The following LRP2 variants were observed in gnomAD, a reference collection of about 807,000 sequenced individuals.
The protein encoded by LRP2 is LDL receptor related protein 2, also known as low-density lipoprotein receptor-related protein 2.
Under a neutral mutation model 531.0 loss-of-function variants are expected in LRP2, and 172 were observed. The ratio of observed to expected loss-of-function variants is 0.32; its 90% confidence interval spans 0.29 to 0.37. The LOEUF is 0.37. Among genes scored for constraint, LRP2 ranks in the 10% least tolerant of loss-of-function variants. LRP2 has a pLI of 1.00. For synonymous variants in LRP2, 1,992 were observed against 2,027.6 expected (o/e 0.98, Z 0.47); for missense variants, 5,167 against 5,868.3 (o/e 0.88, Z 3.90).
At chr2:169,269,140 G>T (rs1441068314) in intron 16 of LRP2, among the ~76,000 whole-genome samples, 1 of 152,198 alleles carries the variant, frequency 6.6e-6, no homozygotes, top group Non-Finnish European at 1.5e-5. Context: ...CATGCTCATG[G>T]ATAGGAAGAA....
intron 1 of LRP2, among the ~76,000 whole-genome samples, chr2:169,341,275 A>G (rs1685554945): frequency 6.6e-6 from 1 of 152,188 alleles, no homozygotes. Context: ...TCTTCAAATT[A>G]CAAAGATCAT....
chr2:169,210,347 T>C (rs1688551231), intron 37 of LRP2, among the ~76,000 whole-genome samples: 1 of 152,190 alleles, frequency 6.6e-6, no homozygotes, highest in Non-Finnish European at 1.5e-5. Flanking sequence ...AGTGTAGCAG[T>C]GACCACCTTA....
In LRP2 at chr2:169,278,030, G is replaced by A. The variant is rs1683601126; in HGVS notation, c.1566-79C>T. 16 of 1,135,072 alleles carry A rather than the reference G, an allele frequency of 1.4e-5. No individual in the cohort carries two copies. The South Asian group carries it at 1.8e-4, about 13-fold the overall frequency. 70.3% of individuals were successfully genotyped at this position (1,135,072 alleles called of 1,614,324 possible). A position where few individuals can be genotyped will look rare whatever the true frequency, so the allele number is the denominator to read the frequency against. On this transcript the variant is annotated intron_variant, in intron 12 of 78. Transcript: ENST00000649046. ...GGAATTTTTTTTAACAGTGTGTTTG[G>A]ATCAATGGAAATTTTATCCAGCTGA...
Position 169,192,022 on chromosome 2 carries a change from A to G in LRP2, c.8842T>C (p.Cys2948Arg). Reference protein sequence around the residue: ...DKRHQCQNQNCSDSEFLCVND... With the variant: ...DKRHQCQNQNRSDSEFLCVND... ...ACACAGAGAAACTCGGAATCCGAGC[A>G]GTTTTGATTCTCTGAAACCAAAGCA... Residue 2948 changes from cysteine (C) to arginine (R), a missense_variant, in exon 48 of 79, where the codon TGC becomes CGC. Around this residue, in one of 6 missense-constraint regions of LRP2, gnomAD observed 1,129 missense variants for 1,362.7 expected, o/e 0.83. Transcript: ENST00000649046. 1 of 1,612,272 alleles carries G rather than the reference A, an allele frequency of 6.2e-7. No homozygotes were observed.
chr2:169,221,765 G>C (rs1235437869), intron 33 of LRP2, among the ~76,000 whole-genome samples: 10 of 151,034 alleles, frequency 6.6e-5, no homozygotes, highest in Admixed American at 6.6e-4. Flanking sequence ...CTATTGTCTG[G>C]TATCTTTCAC....
At position 169,362,444 on chromosome 2, in the gene LRP2, GGC is replaced by G. The variant is rs1463947206; in HGVS notation, c.-47_-46del. 9 of 1,489,356 alleles carry G rather than the reference GGC, an allele frequency of 6.0e-6. No individual in the cohort carries two copies. Among genetic ancestry groups the G allele is most frequent in the Non-Finnish European group, 7.3e-6 (8 of 1,099,316 alleles). The allele number at this position is 1,489,356 out of a possible 1,614,324, so 92.3% of individuals were successfully genotyped here. A position where few individuals can be genotyped will look rare whatever the true frequency, so the allele number is the denominator to read the frequency against. On this transcript the variant is annotated 5_prime_UTR_variant, in exon 1 of 79. Transcript: ENST00000649046. ...CTCGCCGTTCCTTCCCCGGGAGGTGGGCGCGCGTAGCACACCGCACCGGCAGC... is the reference window on the plus strand; with the variant it reads ...CTCGCCGTTCCTTCCCCGGGAGGTGGGCGCGTAGCACACCGCACCGGCAGC...
At position 169,191,924 on chromosome 2, in the gene LRP2, G is replaced by A. The variant is rs139641589; in HGVS notation, c.8940C>T (p.Asp2980=). 1.5e-5 allele frequency: 24 copies of A among 1,614,072 alleles called. No individual in the cohort carries two copies. The highest frequency in any genetic ancestry group is 4.4e-5 in the South Asian group (4 of 91,076). Residue 2980 remains aspartate (D), a synonymous_variant, in exon 48 of 79, where the codon GAC becomes GAT. Transcript: ENST00000649046. ...WVCDGDVDCT[D]GYDENQNCTR... ...TGCAATTCTGATTCTCATCGTAGCC[G>A]TCAGTACAATCCACATCGCCATCAC...
At chr2:169,137,290 C>T (rs1685548046) in intron 76 of LRP2, 102 bp downstream of exon 76, 1 of 900,064 alleles carries the variant, frequency 1.1e-6, no homozygotes, top group South Asian at 1.3e-5. Flanking sequence ...ACTATGCTTC[C>T]TTCCCTTTGG....
At chr2:169,218,484 A>G (rs1688875283) in intron 34 of LRP2, among the ~76,000 whole-genome samples, 1 of 152,048 alleles carries the variant, frequency 6.6e-6, no homozygotes, top group African/African-American at 2.4e-5. Context: ...GGTTATTGTT[A>G]TTTATACACA....
At chr2:169,270,296 C>T (rs1361332543) in intron 16 of LRP2, among the ~76,000 whole-genome samples, 1 of 152,146 alleles carries the variant, frequency 6.6e-6, no homozygotes, top group Non-Finnish European at 1.5e-5. Flanking sequence ...GCTATAAAGA[C>T]ACATGCTCAC....
At chr2:169,180,545 C>T (rs1035242847) in intron 52 of LRP2, among the ~76,000 whole-genome samples, 1 of 152,210 alleles carries the variant, frequency 6.6e-6, no homozygotes, top group Non-Finnish European at 1.5e-5. Flanking sequence ...AGAGCACTGG[C>T]GTGTGTGCCA....
rs767343426 is a variant in LRP2, at chr2:169,174,055, G to T, written c.10878C>A (p.Asp3626Glu). 1 of 1,614,224 alleles carries T rather than the reference G, an allele frequency of 6.2e-7. No individual in the cohort carries two copies. Among genetic ancestry groups the T allele is most frequent in the Admixed American group, 1.7e-5 (1 of 60,034 alleles). ...FNDCEDNSDE[D>E]SSHCASRTCR... ...AGGTCCTGCTGGCACAGTGGGAACT[G>T]TCTTCATCTGAGTTATCCTCACAGT... Residue 3626 changes from aspartate (D) to glutamate (E), a missense_variant, in exon 56 of 79, where the codon GAC becomes GAA. Physicochemically the swap from Asp to Glu is conservative, Grantham distance 45. Coordinates refer to ENST00000649046, the MANE Select transcript of LRP2 (RefSeq NM_004525.3).
chr2:169,269,201 GC>G (rs1405348148), intron 16 of LRP2, among the ~76,000 whole-genome samples: 1 of 152,154 alleles, frequency 6.6e-6, no homozygotes, highest in Non-Finnish European at 1.5e-5. Context: ...TAGATTCAAT[GC>G]CATCCCCATC....
At chr2:169,209,375 G>A in intron 38 of LRP2, 78 bp downstream of exon 38, 3 of 1,403,550 alleles carry the variant, frequency 2.1e-6, no homozygotes, top group Non-Finnish European at 3.0e-6. Context: ...GTAGCACATG[G>A]AGTTAGGCTA....
chr2:169,291,039 T>C, intron 7 of LRP2, 42 bp from the exon 8 acceptor site: 4 of 1,574,812 alleles, frequency 2.5e-6, no homozygotes, highest in Non-Finnish European at 3.5e-6. Context: ...ATAGGGGAGG[T>C]ACAGCCAGCT....
intron 66 of LRP2, among the ~76,000 whole-genome samples, chr2:169,153,171 T>A (rs544443394): frequency 6.6e-5 from 10 of 152,254 alleles, no homozygotes; most frequent in Non-Finnish European, 1.3e-4. Flanking sequence ...ATGCTTCAAC[T>A]GAGAACTTAG....
intron 1 of LRP2, among the ~76,000 whole-genome samples, chr2:169,338,214 G>A (rs1225677070): frequency 1.4e-5 from 2 of 143,948 alleles, no homozygotes; most frequent in South Asian, 2.2e-4. Flanking sequence ...AGAAAAGAAA[G>A]GAAGAAGGAA....
chr2:169,287,237 T>C (rs1683883160), intron 9 of LRP2, among the ~76,000 whole-genome samples: 1 of 152,206 alleles, frequency 6.6e-6, no homozygotes, highest in South Asian at 2.1e-4. Context: ...CTTATTTAAG[T>C]CCAGTTGCAG....
intron 16 of LRP2, among the ~76,000 whole-genome samples, chr2:169,267,427 A>G (rs1683246305): frequency 1.3e-5 from 2 of 152,146 alleles, no homozygotes; most frequent in South Asian, 4.1e-4. Context: ...AAGGCAATCA[A>G]ATTAGAACTC....
Sources: gnomAD v4.1 joint callset for allele counts (sites outside exome capture counted in the v4.1 genomes callset) on GRCh38, gnomAD v4.1.1 for gene constraint, gnomAD v4.1.1 regional missense constraint, MANE v1.5 for transcripts, NCBI Gene and HGNC (gene_info 2026-07-23, HGNC 2026-07-21) for gene names.